The following ABCC2 variants were observed in gnomAD, a reference collection of about 807,000 sequenced individuals.
ABCC2 encodes the protein ATP-binding cassette sub-family C member 2.
In ABCC2, 157 loss-of-function variants were observed where a neutral mutation model predicts 173.4. That is an observed-to-expected ratio of 0.91 (90% CI 0.80 to 1.03). The LOEUF is 1.03. ABCC2 is among the 50% of genes least tolerant of loss of function. ABCC2 has a pLI of 0.00. For synonymous variants in ABCC2, 657 were observed against 693.5 expected (o/e 0.95, Z 0.83); for missense variants, 1,822 against 1,852.3 (o/e 0.98, Z 0.30).
intron 24 of ABCC2, among the ~76,000 whole-genome samples, chr10:99,835,357 T>C (rs1564697185): frequency 6.6e-6 from 1 of 152,114 alleles, no homozygotes; most frequent in Non-Finnish European, 1.5e-5. Context: ...GCAGGGTTAT[T>C]GGAGGGAACA....
chr10:99,799,619 A>G (rs529184969), intron 8 of ABCC2, among the ~76,000 whole-genome samples: 2 of 152,182 alleles, frequency 1.3e-5, no homozygotes, highest in South Asian at 4.2e-4. Flanking sequence ...GGTAATTGTT[A>G]GGGGCTGTTT....
chr10:99,832,441 A>C (rs2038756810), intron 23 of ABCC2, among the ~76,000 whole-genome samples: 1 of 152,144 alleles, frequency 6.6e-6, no homozygotes, highest in South Asian at 2.1e-4. Context: ...TACAAAGGAA[A>C]AAAAGGCACT....
At chr10:99,836,317 A>G in intron 25 of ABCC2, 27 bp downstream of exon 25, 1 of 1,612,670 alleles carries the variant, frequency 6.2e-7, no homozygotes. Context: ...GTATTTACCC[A>G]TGTGTGTACT....
intron 25 of ABCC2, among the ~76,000 whole-genome samples, chr10:99,839,299 C>G (rs2038893106): frequency 5.1e-4 from 58 of 114,114 alleles, no homozygotes; most frequent in South Asian, 1.8e-3. Context: ...CCTCACTTCC[C>G]AGTAGGGGCG....
chr10:99,851,774 C>T lies in ABCC2; in HGVS notation c.*143C>T, dbSNP rs1288046313. 1.2e-6 allele frequency: 1 copy of T among 803,878 alleles called. No individual in the cohort carries two copies. 49.8% of individuals were successfully genotyped at this position (803,878 alleles called of 1,614,324 possible). On this transcript the variant is annotated 3_prime_UTR_variant, in exon 32 of 32. Transcript: ENST00000647814. ...TAAGTGAACACCCATGAACCTACTACCCAGGTTAAGAAAATAAATGTCACC... is the reference window on the plus strand; with the variant it reads ...TAAGTGAACACCCATGAACCTACTATCCAGGTTAAGAAAATAAATGTCACC...
At chr10:99,849,601 A>T (rs2039061819) in intron 30 of ABCC2, among the ~76,000 whole-genome samples, 1 of 152,192 alleles carries the variant, frequency 6.6e-6, no homozygotes, top group Non-Finnish European at 1.5e-5. Context: ...TGAAAGACAA[A>T]GTGGCGCCTC....
chr10:99,817,163 A>C, intron 16 of ABCC2, 145 bp from the exon 17 acceptor site: 1 of 747,122 alleles, frequency 1.3e-6, no homozygotes, highest in Non-Finnish European at 2.3e-6. Flanking sequence ...AAGCACGTGA[A>C]TACATATCAG....
chr10:99,839,369 C>A lies in ABCC2; in HGVS notation c.3615-2598C>A, dbSNP rs1297794193. Among the ~76,000 whole-genome samples, 3 of 25,516 alleles carry A rather than the reference C, an allele frequency of 1.2e-4. No homozygotes were observed. In the East Asian group the frequency reaches 3.4e-3, roughly 29 times the overall value. 16.7% of individuals were successfully genotyped at this position (25,516 alleles called of 152,430 possible). On this transcript the variant is annotated intron_variant, in intron 25 of 31. Transcript: ENST00000647814. Reference sequence around the variant, plus strand: ...GCGGCTGGCTGGGCGGGGGGGCTGACCCCCCCCCACCTCCCTCCCGGACGG... The same window carrying A: ...GCGGCTGGCTGGGCGGGGGGGCTGAACCCCCCCCACCTCCCTCCCGGACGG...
rs771330295 is a variant in ABCC2, at chr10:99,834,472, C to T, written c.3351C>T (p.Cys1117=). 3.1e-6 allele frequency: 5 copies of T among 1,614,174 alleles called. No homozygotes were observed. The South Asian group carries it at 3.3e-5, about 11-fold the overall frequency. The change falls in exon 24 of 32, where the codon TGC becomes TGT. Residue 1117 remains cysteine, a synonymous_variant. Coordinates refer to ENST00000647814, the MANE Select transcript of ABCC2 (RefSeq NM_000392.5). ...LGIISTLVMI[C]MATPVFTIIV... Reference sequence around the variant, plus strand: ...TAATCAGCACCCTTGTCATGATCTGCATGGCCACTCCTGTCTTCACCATCA... The same window carrying T: ...TAATCAGCACCCTTGTCATGATCTGTATGGCCACTCCTGTCTTCACCATCA...
At chr10:99,818,639 A>G (rs1590171051) in intron 17 of ABCC2, 151 bp from the exon 18 acceptor site, 2 of 717,494 alleles carry the variant, frequency 2.8e-6, no homozygotes, top group South Asian at 1.9e-5. Flanking sequence ...ATTTATTTGA[A>G]TCAGTTCTTT....
Position 99,837,175 on chromosome 10 carries a change from G to A in ABCC2, c.3614+885G>A, listed in dbSNP as rs1455467009. ...TTTTTGATGGAGTTTCCCTCTTGTT[G>A]CCCAGGCTGGAGTGCAATGGTGCAA... On this transcript the variant is annotated intron_variant, in intron 25 of 31. Transcript: ENST00000647814. Among the ~76,000 whole-genome samples the A allele has an allele frequency of 2.4e-5, 3 of 124,288 alleles. No individual in the cohort carries two copies. The East Asian group carries it at 6.9e-4, about 29-fold the overall frequency. The allele number at this position is 124,288 out of a possible 152,430, so 81.5% of individuals were successfully genotyped here. A position where few individuals can be genotyped will look rare whatever the true frequency, so the allele number is the denominator to read the frequency against.
At chr10:99,795,793 A>AGAT (rs2037901067) in intron 6 of ABCC2, among the ~76,000 whole-genome samples, 1 of 102,658 alleles carries the variant, frequency 9.7e-6, no homozygotes, top group African/African-American at 3.7e-5. Context: ...GAAAGAAAGA[A>AGAT]AGAAAGAAAG....
chr10:99,830,369 C>T lies in ABCC2; in HGVS notation c.2683C>T (p.Pro895Ser). Residue 895 changes from proline (P) to serine (S), a missense_variant, in exon 20 of 32, where the codon CCC becomes TCC. Pro to Ser is a moderately conservative substitution (Grantham distance 74, BLOSUM62 -1). Transcript: ENST00000647814. ...YGLISSVEEI[P>S]EDAASITMRR... is the part of the protein sequence containing the mutation. ...GCTGATATCCAGTGTGGAAGAGATCCCCGAAGATGCAGCCTCCATAACCAT... is the reference window on the plus strand; with the variant it reads ...GCTGATATCCAGTGTGGAAGAGATCTCCGAAGATGCAGCCTCCATAACCAT... 1 of 1,614,138 alleles carries T rather than the reference C, an allele frequency of 6.2e-7. No individual in the cohort carries two copies. Among genetic ancestry groups the T allele is most frequent in the Non-Finnish European group, 8.5e-7 (1 of 1,180,022 alleles).
At chr10:99,850,091 A>T (rs2039067618) in intron 30 of ABCC2, among the ~76,000 whole-genome samples, 1 of 152,246 alleles carries the variant, frequency 6.6e-6, no homozygotes, top group South Asian at 2.1e-4. Context: ...ATTACACATT[A>T]AAATAATAAA....
chr10:99,805,598 G>A, intron 11 of ABCC2, 151 bp downstream of exon 11: 1 of 801,646 alleles, frequency 1.2e-6, no homozygotes, highest in Admixed American at 1.9e-5. Flanking sequence ...GTCCCTCTCA[G>A]GTCCTCCGTT....
rs553761532 is a variant in ABCC2, at chr10:99,808,643, C to A, written c.1815+414C>A. Among the ~76,000 whole-genome samples, 211 of 152,200 alleles carry A rather than the reference C, an allele frequency of 1.4e-3. 1 individual carries two copies. Among genetic ancestry groups the A allele is most frequent in the Admixed American group, 2.0e-3 (30 of 15,280 alleles). Reference sequence around the variant, plus strand: ...CCTTTGCATAAACCCATGTGTTGGTCAAACCAAATGCAAATTGAGAGCCTC... The same window carrying A: ...CCTTTGCATAAACCCATGTGTTGGTAAAACCAAATGCAAATTGAGAGCCTC... On this transcript the variant is annotated intron_variant, in intron 13 of 31. Coordinates refer to ENST00000647814, the MANE Select transcript of ABCC2 (RefSeq NM_000392.5).
Position 99,847,195 on chromosome 10 carries a change from C to T in ABCC2, c.4313+68C>T. The T allele has an allele frequency of 2.5e-6, 4 of 1,569,644 alleles. No individual in the cohort carries two copies. In the African/African-American group the frequency reaches 4.0e-5, roughly 16 times the overall value. On this transcript the variant is annotated intron_variant, in intron 30 of 31. Coordinates refer to ENST00000647814, the MANE Select transcript of ABCC2 (RefSeq NM_000392.5). Reference sequence around the variant, plus strand: ...TGTGAGGGGGCCACTCCTCGTGTTCCTCGTGTTAGGTGATGCCTGGCATAG... The same window carrying T: ...TGTGAGGGGGCCACTCCTCGTGTTCTTCGTGTTAGGTGATGCCTGGCATAG...
At position 99,850,659 on chromosome 10, in the gene ABCC2, C is replaced by T. The variant is rs2039075181; in HGVS notation, c.4371C>T (p.Ile1457=). Reference sequence around the variant, plus strand: ...GGGCTCTGCTTCGGAAATCCAAGATCCTGGTCCTGGATGAGGCCACTGCTG... The same window carrying T: ...GGGCTCTGCTTCGGAAATCCAAGATTCTGGTCCTGGATGAGGCCACTGCTG... ...LGRALLRKSK[I]LVLDEATAAV... Residue 1457 remains isoleucine (I), a synonymous_variant, in exon 31 of 32, where the codon ATC becomes ATT. Coordinates refer to ENST00000647814, the MANE Select transcript of ABCC2 (RefSeq NM_000392.5). 6.2e-7 allele frequency: 1 copy of T among 1,614,112 alleles called. No homozygotes were observed. The highest frequency in any genetic ancestry group is 8.5e-7 in the Non-Finnish European group (1 of 1,180,048).
intron 10 of ABCC2, 57 bp downstream of exon 10, chr10:99,804,330 T>A (rs1344163842): frequency 6.2e-7 from 1 of 1,608,074 alleles, no homozygotes; most frequent in Admixed American, 1.7e-5. Flanking sequence ...AAACCCTTTT[T>A]CTTACTCTAC....
Sources: allele counts gnomAD v4.1 joint callset (sites outside exome capture counted in the v4.1 genomes callset), GRCh38; gene constraint gnomAD v4.1.1; transcripts MANE v1.5; gene names NCBI Gene and HGNC (gene_info 2026-07-23, HGNC 2026-07-21).